Variants in ZNF483 observed in about 807,000 individuals in gnomAD.
ZNF483 encodes the protein zinc finger protein 483.
Under a neutral mutation model 28.6 loss-of-function variants are expected in ZNF483, and 9 were observed. That is an observed-to-expected ratio of 0.32 (90% CI 0.19 to 0.55). The LOEUF is 0.55. ZNF483 is among the 20% of genes least tolerant of loss of function. The probability of loss-of-function intolerance (pLI) is 0.93; values close to 1 mark genes in which losing one functional copy is unlikely to be tolerated. For missense variants in ZNF483, 675 were observed against 871.7 expected (o/e 0.77, Z 2.84); for synonymous variants, 322 against 306.2 (o/e 1.05, Z -0.54).
chr9:111,525,811 A>C (rs762316404), intron 1 of ZNF483, among the ~76,000 whole-genome samples: 6 of 152,048 alleles, frequency 3.9e-5, no homozygotes, highest in Admixed American at 6.6e-5. Context: ...GTGGGCGCCT[A>C]ATATTTGGCA....
intron 5 of ZNF483, among the ~76,000 whole-genome samples, chr9:111,569,623 G>A (rs182488350): frequency 4.6e-4 from 70 of 152,220 alleles, no homozygotes; most frequent in African/African-American, 1.3e-3. Flanking sequence ...AAGTTAGCTG[G>A]GCGTGGTGGT....
intron 5 of ZNF483, chr9:111,569,799 G>A (rs2132345952): frequency 5.2e-6 from 2 of 383,440 alleles, no homozygotes; most frequent in East Asian, 6.0e-5. Flanking sequence ...AATGGAAAGA[G>A]AGGAATGGCA....
At chr9:111,530,015 C>T (rs7868668) in intron 2 of ZNF483, among the ~76,000 whole-genome samples, 115,799 of 152,146 alleles carry the variant, frequency 0.76, 44,814 homozygotes, top group African/African-American at 0.89. Context: ...TTTATGTTAA[C>T]GAGGTGATTT....
Position 111,542,398 on chromosome 9 carries a change from C to T in ZNF483, c.1463C>T (p.Thr488Ile), listed in dbSNP as rs1331539699. 2.5e-6 allele frequency: 4 copies of T among 1,613,824 alleles called. No homozygotes were observed. The East Asian group carries it at 6.7e-5, about 27-fold the overall frequency. ...DSSSLTPHHRTHSGEKPFKCD... is the reference protein window; with the variant it reads ...DSSSLTPHHRIHSGEKPFKCD... ...TCATCGCTCACACCACATCATAGAA[C>T]TCATAGTGGAGAGAAACCCTTCAAA... The change falls in exon 6 of 6, where the codon ACT (threonine) becomes ATT (isoleucine). Residue 488 changes from threonine to isoleucine, a missense_variant. Thr to Ile is a moderately conservative substitution (Grantham distance 89). Coordinates refer to ENST00000309235, the MANE Select transcript of ZNF483 (RefSeq NM_133464.5). The surrounding 1 kb of genome is among the most constrained non-coding windows in gnomAD (Gnocchi z 6.2).
intron 5 of ZNF483, chr9:111,575,193 T>G (rs886599945): frequency 6.2e-6 from 1 of 162,184 alleles, no homozygotes; most frequent in Non-Finnish European, 1.3e-5. Flanking sequence ...TCCCAGCTAC[T>G]TGGGAGGCTG....
At position 111,552,103 on chromosome 9, in the gene ZNF483, AT is replaced by A. The variant is rs1827981947; in HGVS notation, c.*8934del. 6.6e-6 allele frequency among the ~76,000 whole-genome samples: 1 copy of A among 152,156 alleles called. No individual in the cohort carries two copies. Among genetic ancestry groups the A allele is most frequent in the Admixed American group, 6.5e-5 (1 of 15,274 alleles). ...ATTTAGCTTGTTCATATGCAGCGTG[AT>A]ATTAGGGAGAAAATGTGAATCACAG... On this transcript the variant is annotated 3_prime_UTR_variant, in exon 6 of 6. Coordinates refer to ENST00000309235, the MANE Select transcript of ZNF483 (RefSeq NM_133464.5).
At chr9:111,536,346 C>T (rs1333090681) in intron 5 of ZNF483, among the ~76,000 whole-genome samples, 4 of 151,426 alleles carry the variant, frequency 2.6e-5, no homozygotes, top group African/African-American at 4.8e-5. Context: ...GGTGAAACCC[C>T]GTCTCTACTA....
intron 5 of ZNF483, chr9:111,569,919 C>A: frequency 7.3e-6 from 8 of 1,089,966 alleles, no homozygotes; most frequent in Non-Finnish European, 1.0e-5. Flanking sequence ...GTTTTGTTTT[C>A]CTTTCAAAGA....
chr9:111,532,272 A>G (rs1160233557), intron 3 of ZNF483, among the ~76,000 whole-genome samples: 2 of 152,168 alleles, frequency 1.3e-5, no homozygotes, highest in Non-Finnish European at 2.9e-5. Context: ...TTGAGGCTGC[A>G]GTGAGCTATG....
At position 111,542,733 on chromosome 9, in the gene ZNF483, A is replaced by G; in HGVS notation, c.1798A>G (p.Ile600Val). ...TTCATGCCTTACCCGGCATCAGAGA[A>G]TTCACACTGGAGAAAAACCATATTT... is the stretch of plus-strand genomic sequence containing the variant. ...QNSCLTRHQR[I>V]HTGEKPYLCN... The change falls in exon 6 of 6, where the codon ATT becomes GTT. Residue 600 changes from isoleucine (I) to valine (V), a missense_variant. By Grantham distance (29) the Ile-to-Val change is conservative. Coordinates refer to ENST00000309235, the MANE Select transcript of ZNF483 (RefSeq NM_133464.5). The surrounding 1 kb of genome is among the most constrained non-coding windows in gnomAD (Gnocchi z 6.2). 1 of 1,614,184 alleles carries G rather than the reference A, an allele frequency of 6.2e-7. No individual in the cohort carries two copies. Among genetic ancestry groups the G allele is most frequent in the Non-Finnish European group, 8.5e-7 (1 of 1,180,020 alleles).
At position 111,551,761 on chromosome 9, in the gene ZNF483, T is replaced by G. The variant is rs1827964667; in HGVS notation, c.*8591T>G. 6.6e-6 allele frequency among the ~76,000 whole-genome samples: 1 copy of G among 152,222 alleles called. No individual in the cohort carries two copies. Among genetic ancestry groups the G allele is most frequent in the South Asian group, 2.1e-4 (1 of 4,832 alleles). On this transcript the variant is annotated 3_prime_UTR_variant, in exon 6 of 6. Coordinates refer to ENST00000309235, the MANE Select transcript of ZNF483 (RefSeq NM_133464.5). ...AAAACTTTTATTAGAAAAATTCATT[T>G]AATATCTAGGCAAAATTATATCACT...
At chr9:111,560,773 C>A (rs1398752710) in intron 5 of ZNF483, among the ~76,000 whole-genome samples, 21 of 148,536 alleles carry the variant, frequency 1.4e-4, no homozygotes, top group Non-Finnish European at 4.5e-5. Flanking sequence ...GAAACCCTAT[C>A]TCTACTAAAA....
In ZNF483 at chr9:111,546,485, C is replaced by A. The variant is rs977658783; in HGVS notation, c.*3315C>A. Among the ~76,000 whole-genome samples, 3 of 152,076 alleles carry A rather than the reference C, an allele frequency of 2.0e-5. No individual in the cohort carries two copies. Among genetic ancestry groups the A allele is most frequent in the East Asian group, 1.9e-4 (1 of 5,190 alleles). The stretch of plus-strand genomic sequence containing the variant: ...AGTCAGATTATCAAAAGGCTTTAAA[C>A]GTCTTTTGATTCATTATAGGATTGC... On this transcript the variant is annotated 3_prime_UTR_variant, in exon 6 of 6. Transcript: ENST00000309235.
At position 111,549,948 on chromosome 9, in the gene ZNF483, G is replaced by A; in HGVS notation, c.*6778G>A. The A allele has an allele frequency of 1.8e-6, 1 of 550,852 alleles. No individual in the cohort carries two copies. Among genetic ancestry groups the A allele is most frequent in the Non-Finnish European group, 3.2e-6 (1 of 316,940 alleles). The allele number at this position is 550,852 out of a possible 1,614,324, so 34.1% of individuals were successfully genotyped here. A position where few individuals can be genotyped will look rare whatever the true frequency, so the allele number is the denominator to read the frequency against. ...TTGAATGGTCAATACTTGTTTCTTT[G>A]TATGCATCGTGATTGTTTTTGTTGA... On this transcript the variant is annotated 3_prime_UTR_variant, in exon 6 of 6. Transcript: ENST00000309235.
rs1463677818 is a variant in ZNF483 at position 111,551,447 on chromosome 9, G to T, written c.*8277G>T. Among the ~76,000 whole-genome samples, 1 of 107,274 alleles carries T rather than the reference G, an allele frequency of 9.3e-6. No homozygotes were observed. The highest frequency in any genetic ancestry group is 1.7e-5 in the Non-Finnish European group (1 of 59,030). 70.4% of individuals were successfully genotyped at this position (107,274 alleles called of 152,430 possible). A position where few individuals can be genotyped will look rare whatever the true frequency, so the allele number is the denominator to read the frequency against. ...TTTTGAGATGGAGTCTCACTCTGTT[G>T]CCCAGGCTGGAGTGCAGTGGCGCAA... On this transcript the variant is annotated 3_prime_UTR_variant, in exon 6 of 6. Transcript: ENST00000309235.
chr9:111,567,112 G>A (rs561877350), intron 5 of ZNF483, among the ~76,000 whole-genome samples: 135 of 151,824 alleles, frequency 8.9e-4, no homozygotes, highest in South Asian at 6.5e-3. Context: ...GTCGGGGGGC[G>A]TGGGATATGG....
chr9:111,526,963 G>A (rs1019940254), intron 1 of ZNF483, among the ~76,000 whole-genome samples: 8 of 152,100 alleles, frequency 5.3e-5, no homozygotes, highest in African/African-American at 1.4e-4. Context: ...AGCCAGGCAT[G>A]GTGGTGGGCG....
At position 111,546,876 on chromosome 9, in the gene ZNF483, C is replaced by A. The variant is rs535156435; in HGVS notation, c.*3706C>A. ...CCTCAGGCTCCTGGTAACCACTGTTCTACTTCCTGTCTGTACAAATTTGAC... is the reference window on the plus strand; with the variant it reads ...CCTCAGGCTCCTGGTAACCACTGTTATACTTCCTGTCTGTACAAATTTGAC... On this transcript the variant is annotated 3_prime_UTR_variant, in exon 6 of 6. Transcript: ENST00000309235. Among the ~76,000 whole-genome samples, 73 of 152,226 alleles carry A rather than the reference C, an allele frequency of 4.8e-4. No individual in the cohort carries two copies. Among genetic ancestry groups the A allele is most frequent in the African/African-American group, 1.7e-3 (71 of 41,554 alleles).
chr9:111,547,126 C>T lies in ZNF483; in HGVS notation c.*3956C>T, dbSNP rs933512788. Reference sequence around the variant, plus strand: ...AAGTTGTTTGCACCATTTTGGCTATCAAGAATAACATTGCTATAATCAGTG... The same window carrying T: ...AAGTTGTTTGCACCATTTTGGCTATTAAGAATAACATTGCTATAATCAGTG... On this transcript the variant is annotated 3_prime_UTR_variant, in exon 6 of 6. Coordinates refer to ENST00000309235, the MANE Select transcript of ZNF483 (RefSeq NM_133464.5). Among the ~76,000 whole-genome samples, 14 of 152,076 alleles carry T rather than the reference C, an allele frequency of 9.2e-5. No homozygotes were observed. Among genetic ancestry groups the T allele is most frequent in the African/African-American group, 3.1e-4 (13 of 41,406 alleles).
Sources: allele counts gnomAD v4.1 joint callset (sites outside exome capture counted in the v4.1 genomes callset), GRCh38; gene constraint gnomAD v4.1.1; non-coding constraint Gnocchi (gnomAD v3.1); transcripts MANE v1.5; gene names NCBI Gene and HGNC (gene_info 2026-07-23, HGNC 2026-07-21).